Variants in ARHGEF10 observed in about 807,000 individuals in gnomAD.
ARHGEF10 encodes the protein Rho guanine nucleotide exchange factor (GEF) 10.
A neutral mutation model predicts 147.4 loss-of-function variants in ARHGEF10; 140 were observed. The ratio of observed to expected loss-of-function variants is 0.95; its 90% CI spans 0.83 to 1.09. The LOEUF is 1.09. Ranked by LOEUF, ARHGEF10 falls within the 50% of genes least tolerant of loss-of-function variation. ARHGEF10 has a pLI of 0.00. For synonymous variants in ARHGEF10, 902 were observed against 695.8 expected, an observed-to-expected ratio of 1.30 and a Z score of -4.67; for missense variants, 2,222 against 1,752.7, an observed-to-expected ratio of 1.27 and a Z score of -4.78.
chr8:1,882,412 A>G (rs751285527), intron 9 of ARHGEF10, among the ~76,000 whole-genome samples: 10 of 152,334 alleles, frequency 6.6e-5, no homozygotes, highest in Non-Finnish European at 1.2e-4. Flanking sequence ...TAAATGGGGC[A>G]GGGAACATGT....
chr8:1,907,239 G>C (rs900319751), intron 17 of ARHGEF10, among the ~76,000 whole-genome samples: 1 of 152,190 alleles, frequency 6.6e-6, no homozygotes, highest in Non-Finnish European at 1.5e-5. Flanking sequence ...TCACTTAACA[G>C]TATGGCTTCC....
At chr8:1,907,247 T>A (rs1014905074) in intron 17 of ARHGEF10, among the ~76,000 whole-genome samples, 1 of 152,192 alleles carries the variant, frequency 6.6e-6, no homozygotes, top group African/African-American at 2.4e-5. Flanking sequence ...CAGTATGGCT[T>A]CCAAGTTTAA....
rs575007603 is a variant in ARHGEF10 at position 1,915,823 on chromosome 8, C to T, written c.2143+6353C>T. ...TTCTAAATATGACATGCACACTAGT[C>T]CACGTGATCTGCTGATGCCAAAATA... is the stretch of plus-strand genomic sequence containing the variant. On this transcript the variant is annotated intron_variant, in intron 18 of 28. Transcript: ENST00000349830. Among the ~76,000 whole-genome samples the T allele has an allele frequency of 2.0e-5, 3 of 152,364 alleles. No individual in the cohort carries two copies. The South Asian group carries it at 6.2e-4, about 32-fold the overall frequency.
chr8:1,874,063 C>T (rs1807425412), intron 7 of ARHGEF10, among the ~76,000 whole-genome samples: 2 of 152,204 alleles, frequency 1.3e-5, no homozygotes, highest in African/African-American at 4.8e-5. Flanking sequence ...CTGGCTTGGT[C>T]AGAAAACACA....
At chr8:1,826,689 T>G (rs961341563) in intron 1 of ARHGEF10, among the ~76,000 whole-genome samples, 1 of 152,222 alleles carries the variant, frequency 6.6e-6, no homozygotes, top group East Asian at 1.9e-4. Flanking sequence ...CTGTAAGCGA[T>G]GTGAAAACGT....
chr8:1,907,644 A>G (rs1264235731), intron 17 of ARHGEF10, among the ~76,000 whole-genome samples: 1 of 152,242 alleles, frequency 6.6e-6, no homozygotes, highest in African/African-American at 2.4e-5. Flanking sequence ...TTAAAGATGA[A>G]TTAAAATGGA....
At chr8:1,887,339 C>T (rs1005449276) in intron 11 of ARHGEF10, among the ~76,000 whole-genome samples, 2 of 152,248 alleles carry the variant, frequency 1.3e-5, no homozygotes, top group African/African-American at 2.4e-5. Flanking sequence ...ACACATGGCC[C>T]AAGCCAAGAC....
chr8:1,888,703 GTTT>G (rs1809038197), intron 11 of ARHGEF10, among the ~76,000 whole-genome samples: 1 of 52,800 alleles, frequency 1.9e-5, no homozygotes, highest in Admixed American at 1.6e-4. Context: ...ATAGGGTGAG[GTTT>G]GTGAGGAGAC....
intron 9 of ARHGEF10, among the ~76,000 whole-genome samples, chr8:1,881,813 G>C (rs1808222535): frequency 6.6e-6 from 1 of 152,232 alleles, no homozygotes; most frequent in Admixed American, 6.5e-5. Flanking sequence ...GTTCTCAGCT[G>C]CACTGCTGGT....
At chr8:1,934,208 G>A (rs1274305205) in intron 26 of ARHGEF10, among the ~76,000 whole-genome samples, 2 of 152,066 alleles carry the variant, frequency 1.3e-5, no homozygotes, top group African/African-American at 4.8e-5. Flanking sequence ...CGCACCTGTA[G>A]TGGATGTGGT....
intron 1 of ARHGEF10, among the ~76,000 whole-genome samples, chr8:1,824,808 T>C (rs1802643850): frequency 5.0e-5 from 1 of 19,890 alleles, no homozygotes; most frequent in Non-Finnish European, 8.3e-5. Flanking sequence ...ACCCCACCTG[T>C]TCCCCCTGCA....
intron 11 of ARHGEF10, among the ~76,000 whole-genome samples, chr8:1,888,103 T>TG (rs1808867185): frequency 1.9e-4 from 20 of 106,494 alleles, no homozygotes; most frequent in African/African-American, 5.2e-4. Flanking sequence ...GGTGAATGTT[T>TG]TGAGGAGACA....
Position 1,881,212 on chromosome 8 carries a change from C to T in ARHGEF10, c.960+1048C>T, listed in dbSNP as rs559270628. ...CTCGCTTCCCCTGGTGAGAACACCC[C>T]TGTGTCAGCCCTGAGATCCGGGAGT... On this transcript the variant is annotated intron_variant, in intron 9 of 28. Transcript: ENST00000349830. 9.9e-4 allele frequency among the ~76,000 whole-genome samples: 151 copies of T among 152,278 alleles called. 1 individual carries two copies. The highest frequency in any genetic ancestry group is 5.4e-3 in the South Asian group (26 of 4,826).
chr8:1,938,590 T>G lies in ARHGEF10; in HGVS notation c.3222+4648T>G, dbSNP rs79303601. Among the ~76,000 whole-genome samples the G allele has an allele frequency of 3.9e-3, 598 of 152,318 alleles. 5 individuals carry two copies. Among genetic ancestry groups the G allele is most frequent in the African/African-American group, 0.014 (571 of 41,576 alleles). On this transcript the variant is annotated intron_variant, in intron 26 of 28. Coordinates refer to ENST00000349830, the MANE Select transcript of ARHGEF10 (RefSeq NM_014629.4). The stretch of plus-strand genomic sequence containing the variant: ...TGATTTGCTGCAGCAATGCGTTTTT[T>G]TTCTCATAGGAAGTTAATTCTTGTC...
At chr8:1,929,553 T>G (rs1412979029) in intron 25 of ARHGEF10, 110 bp downstream of exon 25, 9 of 1,338,252 alleles carry the variant, frequency 6.7e-6, no homozygotes, top group Non-Finnish European at 9.1e-6. Context: ...CCCGCCCCTG[T>G]GCCTCCGCCC....
chr8:1,926,414 A>G lies in ARHGEF10; in HGVS notation c.2648A>G (p.Asn883Ser). ...CAAYNPEPYLNNESQPDSFST... is the reference protein window; with the variant it reads ...CAAYNPEPYLSNESQPDSFST... ...GCTTATAACCCTGAACCTTACCTAAATAATGAAAGCCAGCCAGATTCATTT... is the reference window on the plus strand; with the variant it reads ...GCTTATAACCCTGAACCTTACCTAAGTAATGAAAGCCAGCCAGATTCATTT... Residue 883 changes from asparagine to serine, a missense_variant, in exon 23 of 29, where the codon AAT becomes AGT. By Grantham distance (46) the Asn-to-Ser change is conservative. Transcript: ENST00000349830. 1 of 1,614,182 alleles carries G rather than the reference A, an allele frequency of 6.2e-7. No individual in the cohort carries two copies. The highest frequency in any genetic ancestry group is 8.5e-7 in the Non-Finnish European group (1 of 1,180,026).
At chr8:1,899,645 C>G (rs999679838) in intron 15 of ARHGEF10, among the ~76,000 whole-genome samples, 1 of 152,198 alleles carries the variant, frequency 6.6e-6, no homozygotes, top group Non-Finnish European at 1.5e-5. Context: ...TATCCTCTGG[C>G]TTATATTTTT....
chr8:1,832,959 GGCAGAT>G (rs1803294418), intron 1 of ARHGEF10, among the ~76,000 whole-genome samples: 6 of 86,460 alleles, frequency 6.9e-5, no homozygotes, highest in Middle Eastern at 7.7e-3. Context: ...CAGAGGCAGA[GGCAGAT>G]ACAGAGGCAG....
chr8:1,902,632 A>G (rs1810559227), intron 15 of ARHGEF10, among the ~76,000 whole-genome samples: 1 of 149,496 alleles, frequency 6.7e-6, no homozygotes, highest in Non-Finnish European at 1.5e-5. Context: ...ACCAGAGTGC[A>G]TTTGTGACAA....
Sources: allele counts gnomAD v4.1 joint callset (sites outside exome capture counted in the v4.1 genomes callset), GRCh38; gene constraint gnomAD v4.1.1; transcripts MANE v1.5; gene names NCBI Gene and HGNC (gene_info 2026-07-23, HGNC 2026-07-21).